Variants in PCDHGA1 observed in about 807,000 individuals in gnomAD.
PCDHGA1 encodes protocadherin gamma subfamily A, 1, also known as protocadherin gamma-A1.
In PCDHGA1, 32 loss-of-function variants were observed where a neutral mutation model predicts 58.0. The observed-to-expected ratio is 0.55, with a 90% CI of 0.42 to 0.74. The LOEUF is 0.74. PCDHGA1 is among the 30% of genes least tolerant of loss of function. PCDHGA1 has a pLI of 0.00. For synonymous variants in PCDHGA1, 498 were observed against 501.1 expected (o/e 0.99, Z 0.08); for missense variants, 1,205 against 1,182.3 (o/e 1.02, Z -0.28).
chr5:141,361,424 C>G, intron 1 of PCDHGA1: 1 of 1,614,030 alleles, frequency 6.2e-7, no homozygotes, highest in Non-Finnish European at 8.5e-7. Context: ...GGGGGCAAGC[C>G]GCCCCTCTCC....
At chr5:141,359,473 T>A (rs1049508652) in intron 1 of PCDHGA1, among the ~76,000 whole-genome samples, 1 of 151,406 alleles carries the variant, frequency 6.6e-6, no homozygotes, top group Non-Finnish European at 1.5e-5. Context: ...TTAAACAAAT[T>A]GTTGTATATT....
intron 1 of PCDHGA1, among the ~76,000 whole-genome samples, chr5:141,348,570 A>G (rs762981385): frequency 2.7e-4 from 41 of 152,346 alleles, no homozygotes; most frequent in Non-Finnish European, 4.4e-4. Flanking sequence ...CATAGCCTAC[A>G]TATGTGTCAT....
At chr5:141,421,164 A>C (rs1304650780) in intron 1 of PCDHGA1, 9 of 1,286,298 alleles carry the variant, frequency 7.0e-6, no homozygotes, top group Non-Finnish European at 9.4e-6. Context: ...GACTTCATAG[A>C]TACATAAGCC....
chr5:141,358,067 G>A (rs78973624), intron 1 of PCDHGA1, among the ~76,000 whole-genome samples: 2,212 of 152,258 alleles, frequency 0.015, 49 homozygotes, highest in African/African-American at 0.049. Context: ...GTGTGTGCCC[G>A]TAGTCCCAGC....
intron 1 of PCDHGA1, among the ~76,000 whole-genome samples, chr5:141,363,979 A>G (rs1179984185): frequency 6.6e-6 from 1 of 152,272 alleles, no homozygotes; most frequent in Non-Finnish European, 1.5e-5. Flanking sequence ...GCTATTCAGA[A>G]TTAAAGCTGA....
chr5:141,403,204 G>A, intron 1 of PCDHGA1: 4 of 1,613,952 alleles, frequency 2.5e-6, no homozygotes, highest in Non-Finnish European at 3.4e-6. Flanking sequence ...GCGGCACCTT[G>A]GTCACCGCGG....
In PCDHGA1 at chr5:141,431,320, C is replaced by A. The variant is rs993831541; in HGVS notation, c.2422-63487C>A. ...CCCTCATCGTGCAAAATGGAGCCGA[C>A]GGTAGTAAGTACCCCGAATTGGTGC... On this transcript the variant is annotated intron_variant, in intron 1 of 3. Transcript: ENST00000517417. This position sits in a 1 kb window ranked among gnomAD's most constrained non-coding sequence, Gnocchi z 4.8. 1 of 1,614,102 alleles carries A rather than the reference C, an allele frequency of 6.2e-7. No individual in the cohort carries two copies. The highest frequency in any genetic ancestry group is 1.7e-5 in the Admixed American group (1 of 60,032).
intron 1 of PCDHGA1, among the ~76,000 whole-genome samples, chr5:141,381,974 C>A (rs1049134937): frequency 6.6e-6 from 1 of 151,492 alleles, no homozygotes; most frequent in Non-Finnish European, 1.5e-5. Flanking sequence ...GGATTACAGG[C>A]GCGCGCCACC....
chr5:141,489,491 T>C lies in PCDHGA1; in HGVS notation c.2422-5316T>C. On this transcript the variant is annotated intron_variant, in intron 1 of 3. Transcript: ENST00000517417. This position sits in a 1 kb window ranked among gnomAD's most constrained non-coding sequence, Gnocchi z 4.5. ...TCCCTGAGCTTGATGAGTGGTGCCC[T>C]GGCAGTGAATCAAAAGATTGACCGA... The C allele has an allele frequency of 6.2e-7, 1 of 1,614,066 alleles. No individual in the cohort carries two copies. The highest frequency in any genetic ancestry group is 8.5e-7 in the Non-Finnish European group (1 of 1,180,024).
chr5:141,353,442 C>T (rs114046983), intron 1 of PCDHGA1, among the ~76,000 whole-genome samples: 529 of 152,194 alleles, frequency 3.5e-3, no homozygotes, highest in Middle Eastern at 6.8e-3. Context: ...TTTGCAGCAA[C>T]ATGTATGTTT....
chr5:141,421,927 C>T (rs1179128418), intron 1 of PCDHGA1: 2 of 1,613,396 alleles, frequency 1.2e-6, no homozygotes, highest in African/African-American at 2.7e-5. Flanking sequence ...TGTGGTGGTC[C>T]TCGATGTAAA....
At chr5:141,376,773 G>A (rs1773367206) in intron 1 of PCDHGA1, 1 of 400,602 alleles carries the variant, frequency 2.5e-6, no homozygotes, top group East Asian at 5.1e-5. Context: ...TGCAAGCTCC[G>A]CTTCCCGGGT....
At chr5:141,483,955 G>A (rs1244162791) in intron 1 of PCDHGA1, among the ~76,000 whole-genome samples, 1 of 144,218 alleles carries the variant, frequency 6.9e-6, no homozygotes, top group African/African-American at 2.6e-5. Flanking sequence ...ATTGTGTTGT[G>A]TTTCTGTGCT....
At chr5:141,338,937 G>C in intron 1 of PCDHGA1, 1 of 1,522,518 alleles carries the variant, frequency 6.6e-7, no homozygotes, top group Non-Finnish European at 8.8e-7. Flanking sequence ...CTGGATGCTG[G>C]AAGTTGACTC....
At chr5:141,347,137 C>CTCTTTCTTTCTTTCTTTCTTTCTT (rs70988799) in intron 1 of PCDHGA1, among the ~76,000 whole-genome samples, 9,489 of 113,698 alleles carry the variant, frequency 0.083, 861 homozygotes, top group African/African-American at 0.12. Context: ...CTCTGTTTCT[C>CTCTTTCTTTCTTTCTTTCTTTCTT]TCTTTCTTTC....
intron 1 of PCDHGA1, chr5:141,370,831 C>T (rs1445899321): frequency 6.2e-7 from 1 of 1,613,948 alleles, no homozygotes; most frequent in Non-Finnish European, 8.5e-7. Context: ...AGCGAACTGG[C>T]TCTCACTGGA....
intron 1 of PCDHGA1, chr5:141,478,333 G>T: frequency 6.2e-7 from 1 of 1,613,928 alleles, no homozygotes; most frequent in Non-Finnish European, 8.5e-7. Context: ...GAACACCAGG[G>T]CCCTCCTTGC....
chr5:141,479,625 T>C (rs2099501262), intron 1 of PCDHGA1: 1 of 152,228 alleles, frequency 6.6e-6, no homozygotes, highest in Non-Finnish European at 1.5e-5. Flanking sequence ...ACCATGTCTC[T>C]TTAACAATAA....
At chr5:141,379,889 CTTTTTTTTTTTTTTTTTTT>C (rs70988800) in intron 1 of PCDHGA1, among the ~76,000 whole-genome samples, 3 of 50,830 alleles carry the variant, frequency 5.9e-5, no homozygotes, top group African/African-American at 1.3e-4. Flanking sequence ...GTGAAAGCCT[CTTTTTTTTTTTTTTTTTTT>C]TTTTTTTTTT....
Sources: allele counts gnomAD v4.1 joint callset (sites outside exome capture counted in the v4.1 genomes callset), GRCh38; gene constraint gnomAD v4.1.1; non-coding constraint Gnocchi (gnomAD v3.1); transcripts MANE v1.5; gene names NCBI Gene and HGNC (gene_info 2026-07-23, HGNC 2026-07-21).